Variants in NCAN observed in about 807,000 individuals in gnomAD.
NCAN encodes the protein neurocan core protein.
Under a neutral mutation model 121.8 loss-of-function variants are expected in NCAN, and 47 were observed. That is an observed-to-expected ratio of 0.39 (90% CI 0.31 to 0.49). NCAN has a LOEUF of 0.49. Among genes scored for constraint, NCAN ranks in the 20% least tolerant of loss-of-function variants. The pLI is 0.92. For synonymous variants in NCAN, 633 were observed against 702.0 expected (o/e 0.90, Z 1.55); for missense variants, 1,517 against 1,773.4 (o/e 0.86, Z 2.60).
At chr19:19,236,121 C>T (rs538715211) in intron 10 of NCAN, among the ~76,000 whole-genome samples, 1 of 152,302 alleles carries the variant, frequency 6.6e-6, no homozygotes, top group East Asian at 1.9e-4. Context: ...TGTCTAGTTC[C>T]AGAACTTTTT....
In NCAN at chr19:19,227,084, C is replaced by T. The variant is rs757484751; in HGVS notation, c.1660+11C>T. On this transcript the variant is annotated intron_variant, in intron 7 of 14. Transcript: ENST00000252575. This position sits in a 1 kb window ranked among gnomAD's most constrained non-coding sequence, Gnocchi z 4.2. ...ATATGCCTGGAGCTGGTGAGTTGCT[C>T]TGGGGGAGGCGGGACCTACCTGGGG... 1.3e-6 allele frequency: 2 copies of T among 1,506,198 alleles called. No homozygotes were observed. The highest frequency in any genetic ancestry group is 1.8e-6 in the Non-Finnish European group (2 of 1,129,456). The allele number at this position is 1,506,198 out of a possible 1,614,324, so 93.3% of individuals were successfully genotyped here.
rs1437885328 is a variant in NCAN, at chr19:19,219,035, C to T, written c.194C>T (p.Pro65Leu). The stretch of plus-strand genomic sequence containing the variant: ...CTGCCCTGTCTCTTTACCCTGCAGC[C>T]ACGGCCAAGCGCAGCCCGAGATGCC... The part of the protein sequence containing the change: ...VALPCLFTLQ[P>L]RPSAARDAPR... The change falls in exon 3 of 15, where the codon CCA becomes CTA. Residue 65 changes from proline to leucine, a missense_variant. Coordinates refer to ENST00000252575, the MANE Select transcript of NCAN (RefSeq NM_004386.3). 4.3e-6 allele frequency: 7 copies of T among 1,611,652 alleles called. No homozygotes were observed. The highest frequency in any genetic ancestry group is 5.9e-6 in the Non-Finnish European group (7 of 1,178,638).
At chr19:19,215,762 G>A (rs563459385) in intron 1 of NCAN, among the ~76,000 whole-genome samples, 14 of 152,316 alleles carry the variant, frequency 9.2e-5, no homozygotes, top group African/African-American at 2.4e-4. Context: ...TGGCTTAGAG[G>A]CCAGCCTGCT....
intron 8 of NCAN, among the ~76,000 whole-genome samples, chr19:19,228,994 G>A (rs556994300): frequency 6.6e-6 from 1 of 152,284 alleles, no homozygotes; most frequent in Admixed American, 6.5e-5. Flanking sequence ...GATCACTTGA[G>A]GTCAGGAGTT....
Position 19,226,465 on chromosome 19 carries a change from C to T in NCAN, c.1073-21C>T, listed in dbSNP as rs745739326. ...AGGCAACCCCTGGGCCTAACACAACCTCTTCTGCTTTCTCCCACAGCTCAT... is the reference window on the plus strand; with the variant it reads ...AGGCAACCCCTGGGCCTAACACAACTTCTTCTGCTTTCTCCCACAGCTCAT... On this transcript the variant is annotated intron_variant, in intron 6 of 14. Coordinates refer to ENST00000252575, the MANE Select transcript of NCAN (RefSeq NM_004386.3). 3.9e-6 allele frequency: 6 copies of T among 1,535,702 alleles called. No individual in the cohort carries two copies. In the African/African-American group the frequency reaches 8.3e-5, roughly 21 times the overall value.
In NCAN at chr19:19,250,800, G is replaced by A. The variant is rs1230040603; in HGVS notation, c.*889G>A. 6.5e-6 allele frequency: 1 copy of A among 154,800 alleles called. No individual in the cohort carries two copies. The highest frequency in any genetic ancestry group is 1.4e-5 in the Non-Finnish European group (1 of 69,164). 9.6% of individuals were successfully genotyped at this position (154,800 alleles called of 1,614,324 possible). On this transcript the variant is annotated 3_prime_UTR_variant, in exon 15 of 15. Coordinates refer to ENST00000252575, the MANE Select transcript of NCAN (RefSeq NM_004386.3). ...TTTTCTAGCCCAGTGCACATACCCAGTCCTTAAGCAGACATTGGTAGTGCC... is the reference window on the plus strand; with the variant it reads ...TTTTCTAGCCCAGTGCACATACCCAATCCTTAAGCAGACATTGGTAGTGCC...
chr19:19,216,543 C>G (rs2060796755), intron 1 of NCAN, among the ~76,000 whole-genome samples: 2 of 152,132 alleles, frequency 1.3e-5, no homozygotes, highest in Non-Finnish European at 2.9e-5. Context: ...AACCCCTGAC[C>G]TCGTGATCCA....
rs768012004 is a variant in NCAN at position 19,218,986 on chromosome 19, G to C, written c.145G>C (p.Ala49Pro). ...MQKLGSGSVQAALAELVALPC... is the reference protein window; with the variant it reads ...MQKLGSGSVQPALAELVALPC... ...GAAGCTGGGGTCTGGGTCAGTGCAGGCTGCGCTGGCGGAGCTGGTGGCCCT... is the reference window on the plus strand; with the variant it reads ...GAAGCTGGGGTCTGGGTCAGTGCAGCCTGCGCTGGCGGAGCTGGTGGCCCT... The change falls in exon 3 of 15, where the codon GCT becomes CCT. Residue 49 changes from alanine to proline, a missense_variant. Physicochemically the swap from Ala to Pro is conservative, Grantham distance 27 (BLOSUM62 -1). Coordinates refer to ENST00000252575, the MANE Select transcript of NCAN (RefSeq NM_004386.3). 2 of 1,585,910 alleles carry C rather than the reference G, an allele frequency of 1.3e-6. No individual in the cohort carries two copies. The highest frequency in any genetic ancestry group is 8.6e-7 in the Non-Finnish European group (1 of 1,163,876).
rs2060889603 is a variant in NCAN at position 19,238,320 on chromosome 19, G to A, written c.3318G>A (p.Arg1106=). 7 of 1,614,228 alleles carry A rather than the reference G, an allele frequency of 4.3e-6. No homozygotes were observed. Among genetic ancestry groups the A allele is most frequent in the Non-Finnish European group, 5.1e-6 (6 of 1,180,052 alleles). The change falls in exon 11 of 15, where the codon CGG becomes CGA. Residue 1106 remains arginine, a synonymous_variant. Coordinates refer to ENST00000252575, the MANE Select transcript of NCAN (RefSeq NM_004386.3). The part of the protein sequence containing the change: ...QGHCYRYFAH[R]RAWEDAEKDC... ...ACTGTTACCGCTATTTTGCCCACCG[G>A]AGGGCATGGGAAGATGCCGAGAAGG...
intron 12 of NCAN, among the ~76,000 whole-genome samples, chr19:19,243,220 A>G (rs2060910207): frequency 6.6e-6 from 1 of 151,936 alleles, no homozygotes; most frequent in Non-Finnish European, 1.5e-5. Context: ...GTTGTGATGA[A>G]AAAGTTCTGG....
At position 19,238,196 on chromosome 19, in the gene NCAN, G is replaced by A. The variant is rs1477106526; in HGVS notation, c.3251-57G>A. The A allele has an allele frequency of 3.1e-6, 5 of 1,608,692 alleles. No homozygotes were observed. The African/African-American group carries it at 4.0e-5, about 13-fold the overall frequency. The stretch of plus-strand genomic sequence containing the variant: ...CTCTGGTGGGCTGGCTGTGCTCATG[G>A]CTGGTAGGCCTTGGGCCAAGGCCAG... On this transcript the variant is annotated intron_variant, in intron 10 of 14. Coordinates refer to ENST00000252575, the MANE Select transcript of NCAN (RefSeq NM_004386.3).
At chr19:19,218,561 C>T (rs1244054496) in intron 2 of NCAN, among the ~76,000 whole-genome samples, 1 of 152,008 alleles carries the variant, frequency 6.6e-6, no homozygotes, top group Non-Finnish European at 1.5e-5. Context: ...CAACCTCTGC[C>T]TCCCGGGTTC....
intron 13 of NCAN, among the ~76,000 whole-genome samples, chr19:19,245,964 G>A (rs2060923025): frequency 1.3e-5 from 2 of 152,110 alleles, no homozygotes; most frequent in South Asian, 2.1e-4. Flanking sequence ...GCTCATGCCT[G>A]TAATCCCAAC....
intron 1 of NCAN, 116 bp from the exon 2 acceptor site, chr19:19,216,831 C>G (rs1035955052): frequency 2.0e-5 from 11 of 540,370 alleles, no homozygotes; most frequent in African/African-American, 1.9e-4. Flanking sequence ...ACACACTGGT[C>G]TCTCTGAGCC....
chr19:19,214,922 T>C (rs2060790977), intron 1 of NCAN, among the ~76,000 whole-genome samples: 1 of 151,894 alleles, frequency 6.6e-6, no homozygotes, highest in Admixed American at 6.6e-5. Flanking sequence ...GGGGAAGAAA[T>C]GAGAACAGCC....
chr19:19,245,503 A>G, intron 13 of NCAN, 46 bp downstream of exon 13: 2 of 1,594,678 alleles, frequency 1.3e-6, no homozygotes, highest in East Asian at 2.2e-5. Context: ...ACTTTTGCTC[A>G]CTGGTTCTCT....
intron 11 of NCAN, 161 bp downstream of exon 11, chr19:19,238,572 A>G: frequency 2.7e-6 from 2 of 742,518 alleles, no homozygotes; most frequent in East Asian, 5.4e-5. Flanking sequence ...TAATGCATGA[A>G]ATCTGTCAAT....
At chr19:19,245,066 C>G (rs1199504131) in intron 12 of NCAN, among the ~76,000 whole-genome samples, 1 of 152,086 alleles carries the variant, frequency 6.6e-6, no homozygotes, top group Admixed American at 6.6e-5. Flanking sequence ...TGGGTGCGGC[C>G]GGGCACCCAG....
At position 19,228,482 on chromosome 19, in the gene NCAN, C is replaced by A; in HGVS notation, c.2862C>A (p.Asp954Glu). Reference sequence around the variant, plus strand: ...CAGGGGAGCCTACGGTACCGTGGGACCCCTCCAGCACCCTGCTGCCTGTCA... The same window carrying A: ...CAGGGGAGCCTACGGTACCGTGGGAACCCTCCAGCACCCTGCTGCCTGTCA... ...VSSGEPTVPW[D>E]PSSTLLPVTL... is the part of the protein sequence containing the mutation. Residue 954 changes from aspartate to glutamate, a missense_variant, in exon 8 of 15, where the codon GAC becomes GAA. By Grantham distance (45) the Asp-to-Glu change is conservative. Coordinates refer to ENST00000252575, the MANE Select transcript of NCAN (RefSeq NM_004386.3). 1 of 1,613,580 alleles carries A rather than the reference C, an allele frequency of 6.2e-7. No individual in the cohort carries two copies. The highest frequency in any genetic ancestry group is 8.5e-7 in the Non-Finnish European group (1 of 1,180,026).
Sources: allele counts gnomAD v4.1 joint callset (sites outside exome capture counted in the v4.1 genomes callset), GRCh38; gene constraint gnomAD v4.1.1; non-coding constraint Gnocchi (gnomAD v3.1); transcripts MANE v1.5; gene names NCBI Gene and HGNC (gene_info 2026-07-23, HGNC 2026-07-21).